Variants in ZDHHC2 observed in about 807,000 individuals in gnomAD.
ZDHHC2 encodes the protein zDHHC palmitoyltransferase 2.
A neutral mutation model predicts 55.6 loss-of-function variants in ZDHHC2; 51 were observed. The ratio of observed to expected loss-of-function variants is 0.92; its 90% CI spans 0.73 to 1.16. The LOEUF is 1.16. Among genes scored for constraint, ZDHHC2 ranks in the 50% most tolerant of loss-of-function variants. ZDHHC2 has a pLI of 0.00. For missense variants in ZDHHC2, 491 were observed against 442.4 expected, an observed-to-expected ratio of 1.11 and a Z score of -0.99; for synonymous variants, 199 against 152.9, an observed-to-expected ratio of 1.30 and a Z score of -2.22.
chr8:17,169,691 C>G (rs759927918), intron 1 of ZDHHC2, among the ~76,000 whole-genome samples: 9 of 151,868 alleles, frequency 5.9e-5, no homozygotes, highest in Non-Finnish European at 1.2e-4. Context: ...CTGTTTTGCC[C>G]AAAGATCCAG....
intron 10 of ZDHHC2, among the ~76,000 whole-genome samples, chr8:17,211,389 G>T (rs896419029): frequency 1.3e-5 from 2 of 152,106 alleles, no homozygotes; most frequent in African/African-American, 4.8e-5. Context: ...CTGATCACAG[G>T]ACTTTTTCCT....
chr8:17,189,424 T>C (rs574573830), intron 3 of ZDHHC2, among the ~76,000 whole-genome samples: 3 of 152,228 alleles, frequency 2.0e-5, no homozygotes, highest in Non-Finnish European at 4.4e-5. Context: ...GTAGGTTCCA[T>C]AAGGGCGTGA....
intron 5 of ZDHHC2, among the ~76,000 whole-genome samples, chr8:17,197,996 A>G (rs575800429): frequency 2.0e-5 from 3 of 152,360 alleles, no homozygotes; most frequent in East Asian, 1.9e-4. Context: ...TATATTTAAT[A>G]TACTCCAAGG....
intron 1 of ZDHHC2, among the ~76,000 whole-genome samples, chr8:17,168,332 T>G (rs529462120): frequency 6.6e-6 from 1 of 152,202 alleles, no homozygotes; most frequent in Non-Finnish European, 1.5e-5. Context: ...TTATCACTTC[T>G]GGGGTTACTT....
At chr8:17,195,205 G>T (rs78905490) in intron 3 of ZDHHC2, among the ~76,000 whole-genome samples, 3,512 of 152,130 alleles carry the variant, frequency 0.023, 74 homozygotes, top group Non-Finnish European at 0.037. Context: ...CTCATATTTT[G>T]TTGGAACTCT....
chr8:17,201,480 TC>T (rs66842095), intron 6 of ZDHHC2, among the ~76,000 whole-genome samples: 1,007 of 90,896 alleles, frequency 0.011, 30 homozygotes, highest in African/African-American at 0.015. Context: ...TCTCTCTCTC[TC>T]TTTTTTTTTT....
chr8:17,162,862 G>A (rs981357106), intron 1 of ZDHHC2: 1 of 152,212 alleles, frequency 6.6e-6, no homozygotes, highest in African/African-American at 2.4e-5. Flanking sequence ...AAACAATGAG[G>A]CAGGTAAAAA....
rs1329704642 is a variant in ZDHHC2 at position 17,186,429 on chromosome 8, A to C, written c.252+4A>C. 6.7e-7 allele frequency: 1 copy of C among 1,485,336 alleles called. No homozygotes were observed. The highest frequency in any genetic ancestry group is 9.0e-7 in the Non-Finnish European group (1 of 1,105,548). 92.0% of individuals were successfully genotyped at this position (1,485,336 alleles called of 1,614,324 possible). A position where few individuals can be genotyped will look rare whatever the true frequency, so the allele number is the denominator to read the frequency against. On this transcript the variant is annotated splice_donor_region_variant and intron_variant, in intron 3 of 12. Transcript: ENST00000262096. Reference sequence around the variant, plus strand: ...ACCAATGAATCCTTCAAAAGAAGTAAGTTAAAATATTAACGAAATTATTCT... The same window carrying C: ...ACCAATGAATCCTTCAAAAGAAGTACGTTAAAATATTAACGAAATTATTCT...
chr8:17,157,639 AG>A (rs1804129414), intron 1 of ZDHHC2: 1 of 152,210 alleles, frequency 6.6e-6, no homozygotes, highest in Non-Finnish European at 1.5e-5. Flanking sequence ...ATGCACAAGT[AG>A]GGAGTACAAT....
At chr8:17,161,178 A>G (rs912389640) in intron 1 of ZDHHC2, among the ~76,000 whole-genome samples, 1 of 152,338 alleles carries the variant, frequency 6.6e-6, no homozygotes, top group African/African-American at 2.4e-5. Context: ...ATTGAAGGCC[A>G]CTGCAGGCTC....
rs1235898999 is a variant in ZDHHC2, at chr8:17,199,598, CTTTA to C, written c.476+1188_476+1191del. Among the ~76,000 whole-genome samples, 91 of 39,232 alleles carry C rather than the reference CTTTA, an allele frequency of 2.3e-3. 4 individuals carry two copies. Among genetic ancestry groups the C allele is most frequent in the Middle Eastern group, 0.028 (1 of 36 alleles). 25.7% of individuals were successfully genotyped at this position (39,232 alleles called of 152,430 possible). ...TGTCTTCTTCTTCTTCTTTCTTCTT[CTTTA>C]TTCTTTCTTCTTCTTCTTCTTCCTT... is the stretch of plus-strand genomic sequence containing the variant. On this transcript the variant is annotated intron_variant, in intron 6 of 12. Coordinates refer to ENST00000262096, the MANE Select transcript of ZDHHC2 (RefSeq NM_016353.5).
At position 17,222,547 on chromosome 8, in the gene ZDHHC2, G is replaced by A. The variant is rs1039100514; in HGVS notation, c.*2326G>A. On this transcript the variant is annotated 3_prime_UTR_variant, in exon 13 of 13. Transcript: ENST00000262096. ...TTACTATATAGGAATCAAGATTTAA[G>A]AAATTTTGCATTAAAAATAGTGTAC... The A allele has an allele frequency of 2.0e-5, 3 of 151,824 alleles. No homozygotes were observed. The highest frequency in any genetic ancestry group is 1.9e-4 in the East Asian group (1 of 5,174). 9.4% of individuals were successfully genotyped at this position (151,824 alleles called of 1,614,324 possible). A position where few individuals can be genotyped will look rare whatever the true frequency, so the allele number is the denominator to read the frequency against.
chr8:17,189,339 A>G (rs781167874), intron 3 of ZDHHC2, among the ~76,000 whole-genome samples: 6 of 152,096 alleles, frequency 3.9e-5, no homozygotes. Context: ...ATTTTTCTCC[A>G]TAACATTTAC....
intron 1 of ZDHHC2, among the ~76,000 whole-genome samples, chr8:17,165,154 G>A (rs965925903): frequency 3.9e-5 from 6 of 152,288 alleles, no homozygotes. Context: ...GGCCAACTGC[G>A]AGCATGAAAA....
At chr8:17,161,843 A>G (rs1804358659) in intron 1 of ZDHHC2, among the ~76,000 whole-genome samples, 2 of 152,230 alleles carry the variant, frequency 1.3e-5, no homozygotes, top group Admixed American at 1.3e-4. Context: ...CTGGGGTGAC[A>G]GAGCGAGACC....
intron 1 of ZDHHC2, among the ~76,000 whole-genome samples, chr8:17,166,448 TG>T (rs1187542475): frequency 6.6e-6 from 1 of 152,174 alleles, no homozygotes; most frequent in Non-Finnish European, 1.5e-5. Flanking sequence ...ATGGGTGTGC[TG>T]TCATGAAATA....
intron 1 of ZDHHC2, among the ~76,000 whole-genome samples, chr8:17,177,120 A>T (rs1805178743): frequency 6.6e-6 from 1 of 152,226 alleles, no homozygotes; most frequent in Admixed American, 6.5e-5. Context: ...ATTTTGTCAA[A>T]GAATTCTCTA....
chr8:17,198,425 G>T lies in ZDHHC2; in HGVS notation c.476+12G>T, dbSNP rs1187631831. 1 of 1,595,034 alleles carries T rather than the reference G, an allele frequency of 6.3e-7. No individual in the cohort carries two copies. On this transcript the variant is annotated intron_variant, in intron 6 of 12. Coordinates refer to ENST00000262096, the MANE Select transcript of ZDHHC2 (RefSeq NM_016353.5). ...CATCATTGTCCATGGTGAGTTGGCT[G>T]TATATTTAAACAAGTTTGTGTCCCT...
At position 17,173,278 on chromosome 8, in the gene ZDHHC2, G is replaced by A. The variant is rs371686735; in HGVS notation, c.131-11511G>A. Among the ~76,000 whole-genome samples, 5 of 152,326 alleles carry A rather than the reference G, an allele frequency of 3.3e-5. No individual in the cohort carries two copies. The East Asian group carries it at 5.8e-4, about 18-fold the overall frequency. ...TAGATCCCATCATGACTTGGATGAC[G>A]TTAGAAGTTATACCTCTGTGAGACT... is the stretch of plus-strand genomic sequence containing the variant. On this transcript the variant is annotated intron_variant, in intron 1 of 12. Coordinates refer to ENST00000262096, the MANE Select transcript of ZDHHC2 (RefSeq NM_016353.5).
Sources: allele counts gnomAD v4.1 joint callset (sites outside exome capture counted in the v4.1 genomes callset), GRCh38; gene constraint gnomAD v4.1.1; transcripts MANE v1.5; gene names NCBI Gene and HGNC (gene_info 2026-07-23, HGNC 2026-07-21).